The following REPS1 variants were observed in gnomAD, a reference collection of about 807,000 sequenced individuals.
REPS1 encodes RALBP1 associated Eps domain containing 1.
A neutral mutation model predicts 100.9 loss-of-function variants in REPS1; 39 were observed. That is an observed-to-expected ratio of 0.39 (90% CI 0.30 to 0.50). The LOEUF (loss-of-function observed/expected upper bound fraction) is 0.50, where lower values mean the gene tolerates loss of function less well. REPS1 is among the 20% of genes least tolerant of loss of function. The pLI is 0.86. For synonymous variants in REPS1, 324 were observed against 340.3 expected (o/e 0.95, Z 0.53); for missense variants, 821 against 968.5 (o/e 0.85, Z 2.02).
chr6:138,918,180 G>A (rs929756185), intron 12 of REPS1, among the ~76,000 whole-genome samples: 3 of 151,770 alleles, frequency 2.0e-5, no homozygotes, highest in East Asian at 3.9e-4. Flanking sequence ...CTAACTCCTG[G>A]GTTTAAGCAA....
chr6:138,984,078 C>CT (rs748774209), intron 1 of REPS1, among the ~76,000 whole-genome samples: 2,434 of 134,422 alleles, frequency 0.018, 26 homozygotes, highest in African/African-American at 0.027. Context: ...CTCTCTCTCT[C>CT]TTTTTTTTTT....
chr6:138,987,907 C>CGCGGCT lies in REPS1; in HGVS notation c.-231_-226dup, dbSNP rs970425740. The CGCGGCT allele has an allele frequency of 1.8e-4, 73 of 399,980 alleles. 1 individual carries two copies. Among genetic ancestry groups the CGCGGCT allele is most frequent in the South Asian group, 7.2e-4 (6 of 8,348 alleles). The allele number at this position is 399,980 out of a possible 1,614,324, so 24.8% of individuals were successfully genotyped here. ...GCGCCGCTGCCTGCGAGGCCCGGCGCGCGGCTGCGGCTGCGGCTGCGACTA... is the reference window on the plus strand; with the variant it reads ...GCGCCGCTGCCTGCGAGGCCCGGCGCGCGGCTGCGGCTGCGGCTGCGGCTGCGACTA... On this transcript the variant is annotated 5_prime_UTR_variant, in exon 1 of 20. Coordinates refer to ENST00000450536, the MANE Select transcript of REPS1 (RefSeq NM_001286611.2).
intron 8 of REPS1, among the ~76,000 whole-genome samples, chr6:138,935,856 C>CGGGGGGGGGGGGGGG (rs1449985583): frequency 9.1e-4 from 2 of 2,196 alleles, no homozygotes; most frequent in Non-Finnish European, 1.8e-3. Flanking sequence ...TCCATCTTGG[C>CGGGGGGGGGGGGGGG]GGGGGGGGGG....
At chr6:138,913,064 TG>T in intron 15 of REPS1, 114 bp from the exon 16 acceptor site, 1 of 781,020 alleles carries the variant, frequency 1.3e-6, no homozygotes, top group Non-Finnish European at 2.0e-6. Context: ...TTTTATTATC[TG>T]TAAGTTCAGA....
chr6:138,912,736 G>A (rs755022660), intron 16 of REPS1, 29 bp downstream of exon 16: 1 of 1,611,514 alleles, frequency 6.2e-7, no homozygotes, highest in South Asian at 1.1e-5. Flanking sequence ...ACTGCCTGCA[G>A]AAAATTAGCC....
At position 138,911,465 on chromosome 6, in the gene REPS1, T is replaced by A. The variant is rs1779999828; in HGVS notation, c.1972-94A>T. 6 of 857,330 alleles carry A rather than the reference T, an allele frequency of 7.0e-6. No individual in the cohort carries two copies. The Admixed American group carries it at 1.4e-4, about 20-fold the overall frequency. The allele number at this position is 857,330 out of a possible 1,614,324, so 53.1% of individuals were successfully genotyped here. On this transcript the variant is annotated intron_variant, in intron 16 of 19. Transcript: ENST00000450536. Reference sequence around the variant, plus strand: ...TACCAAATCAGAATAAAATGTTAAATATTCTGACAAGAAAACTGAGATGAT... The same window carrying A: ...TACCAAATCAGAATAAAATGTTAAAAATTCTGACAAGAAAACTGAGATGAT...
chr6:138,956,883 T>C (rs1783424999), intron 1 of REPS1, among the ~76,000 whole-genome samples: 1 of 150,162 alleles, frequency 6.7e-6, no homozygotes, highest in Non-Finnish European at 1.5e-5. Context: ...TTTTAGAAAA[T>C]ACTCCATTTG....
At chr6:138,964,666 CGAGAT>C (rs1471139958) in intron 1 of REPS1, among the ~76,000 whole-genome samples, 3 of 151,402 alleles carry the variant, frequency 2.0e-5, no homozygotes, top group Non-Finnish European at 4.4e-5. Context: ...TACATAAGTA[CGAGAT>C]AAGAATTTCC....
intron 15 of REPS1, among the ~76,000 whole-genome samples, chr6:138,913,863 C>T (rs1027521212): frequency 1.3e-5 from 2 of 152,176 alleles, no homozygotes; most frequent in African/African-American, 4.8e-5. Flanking sequence ...ATAAATTCCA[C>T]TTTATCTTTC....
In REPS1 at chr6:138,967,135, C is replaced by T. The variant is rs538897591; in HGVS notation, c.154-19222G>A. Among the ~76,000 whole-genome samples, 16 of 152,346 alleles carry T rather than the reference C, an allele frequency of 1.1e-4. No homozygotes were observed. The South Asian group carries it at 3.3e-3, about 32-fold the overall frequency. Reference sequence around the variant, plus strand: ...GCGCATGCAATTGTGCTCTCTTGCCCTTCTGCTTTCCATCATGGGATAATA... The same window carrying T: ...GCGCATGCAATTGTGCTCTCTTGCCTTTCTGCTTTCCATCATGGGATAATA... On this transcript the variant is annotated intron_variant, in intron 1 of 19. Transcript: ENST00000450536.
intron 8 of REPS1, among the ~76,000 whole-genome samples, chr6:138,935,603 AC>A (rs1413549412): frequency 2.0e-5 from 3 of 152,056 alleles, no homozygotes; most frequent in African/African-American, 7.2e-5. Flanking sequence ...TAATCCCAAC[AC>A]TTTGGGAATG....
At position 138,945,320 on chromosome 6, in the gene REPS1, T is replaced by A. The variant is rs1379506151; in HGVS notation, c.527A>T (p.His176Leu). 3 of 1,612,360 alleles carry A rather than the reference T, an allele frequency of 1.9e-6. No individual in the cohort carries two copies. Among genetic ancestry groups the A allele is most frequent in the Non-Finnish European group, 2.5e-6 (3 of 1,179,544 alleles). Residue 176 changes from histidine (H) to leucine (L), a missense_variant, in exon 4 of 20, where the codon CAC (histidine) becomes CTC (leucine). Transcript: ENST00000450536. ...SPQQSPPTSP[H>L]TWRKHSRHPS... is the part of the protein sequence containing the mutation. ...ATGACGGCTGTGCTTCCTCCATGTG[T>A]GTGGAGAAGTTGGTGGGGATTGCTG...
chr6:138,907,318 GT>G, intron 19 of REPS1, 176 bp downstream of exon 19: 1 of 390,282 alleles, frequency 2.6e-6, no homozygotes, highest in Admixed American at 3.9e-5. Context: ...AAAAAAGTGT[GT>G]GTGTGTGTGT....
Position 138,915,911 on chromosome 6 carries a change from G to A in REPS1, c.1667C>T (p.Ser556Phe). 1.9e-6 allele frequency: 3 copies of A among 1,614,102 alleles called. No homozygotes were observed. Among genetic ancestry groups the A allele is most frequent in the Non-Finnish European group, 2.5e-6 (3 of 1,179,942 alleles). Residue 556 changes from serine to phenylalanine, a missense_variant, in exon 14 of 20, where the codon TCT (serine) becomes TTT (phenylalanine). Ser to Phe is a radical substitution (Grantham distance 155, BLOSUM62 -2). This residue lies in a region of REPS1 where 757 missense variants were observed against 866.4 expected (regional missense o/e 0.87). Coordinates refer to ENST00000450536, the MANE Select transcript of REPS1 (RefSeq NM_001286611.2). Reference sequence around the variant, plus strand: ...ATCTAAAGATGATGATCTAGAATGAGAGGGCTGTGGCCTTGGAGGGGGAGG... The same window carrying A: ...ATCTAAAGATGATGATCTAGAATGAAAGGGCTGTGGCCTTGGAGGGGGAGG... ...PPPPPPRPQPSHSRSSSLDMN... is the reference protein window; with the variant it reads ...PPPPPPRPQPFHSRSSSLDMN...
chr6:138,974,188 C>T (rs1226393066), intron 1 of REPS1, among the ~76,000 whole-genome samples: 1 of 152,124 alleles, frequency 6.6e-6, no homozygotes, highest in African/African-American at 2.4e-5. Flanking sequence ...TCAACAGATC[C>T]ATCCCCTGAA....
chr6:138,986,873 A>T (rs1582879963), intron 1 of REPS1, among the ~76,000 whole-genome samples: 1 of 152,312 alleles, frequency 6.6e-6, no homozygotes, highest in Admixed American at 6.5e-5. Flanking sequence ...CAGCTGTTCA[A>T]TACTCATCTC....
chr6:138,917,139 C>G (rs1780451982), intron 13 of REPS1, among the ~76,000 whole-genome samples: 1 of 152,212 alleles, frequency 6.6e-6, no homozygotes, highest in Non-Finnish European at 1.5e-5. Context: ...TTGTTTGTGC[C>G]TGAAAGGTTA....
Position 138,926,738 on chromosome 6 carries a change from C to G in REPS1, c.1258-257G>C, listed in dbSNP as rs1227276136. The G allele has an allele frequency of 1.7e-5, 6 of 348,840 alleles. No individual in the cohort carries two copies. The East Asian group carries it at 3.3e-4, about 19-fold the overall frequency. The allele number at this position is 348,840 out of a possible 1,614,324, so 21.6% of individuals were successfully genotyped here. On this transcript the variant is annotated intron_variant, in intron 9 of 19. Coordinates refer to ENST00000450536, the MANE Select transcript of REPS1 (RefSeq NM_001286611.2). Reference sequence around the variant, plus strand: ...TCTATGGAAGAGATTTAAAGCCTTACAGAGTTAAAATAAAACACAATACAG... The same window carrying G: ...TCTATGGAAGAGATTTAAAGCCTTAGAGAGTTAAAATAAAACACAATACAG...
intron 1 of REPS1, 87 bp downstream of exon 1, chr6:138,987,443 G>A (rs1428744951): frequency 2.3e-5 from 31 of 1,321,110 alleles, no homozygotes; most frequent in Non-Finnish European, 3.0e-5. Context: ...CCCCCGCCGG[G>A]CCCCAAGGAA....
Sources: allele counts gnomAD v4.1 joint callset (sites outside exome capture counted in the v4.1 genomes callset), GRCh38; gene constraint gnomAD v4.1.1; regional missense constraint gnomAD v4.1.1; transcripts MANE v1.5; gene names NCBI Gene and HGNC (gene_info 2026-07-23, HGNC 2026-07-21).